SLC16A4: variants seen among roughly 807,000 people sequenced by gnomAD.
SLC16A4 encodes probable monocarboxylate transporter 5.
A neutral mutation model predicts 47.9 loss-of-function variants in SLC16A4; 39 were observed. The ratio of observed to expected loss-of-function variants is 0.81; its 90% CI spans 0.63 to 1.06. The LOEUF (loss-of-function observed/expected upper bound fraction) is 1.06. Ranked by LOEUF, SLC16A4 falls within the 50% of genes least tolerant of loss-of-function variation. The pLI is 0.00. For synonymous variants in SLC16A4, 189 were observed against 199.9 expected, an observed-to-expected ratio of 0.95 and a Z score of 0.46; for missense variants, 524 against 573.8, an observed-to-expected ratio of 0.91 and a Z score of 0.89.
chr1:110,383,436 G>C (rs1413510971), intron 2 of SLC16A4, among the ~76,000 whole-genome samples: 2 of 152,140 alleles, frequency 1.3e-5, no homozygotes, highest in African/African-American at 4.8e-5. Flanking sequence ...CAGTGAGTTG[G>C]GAGTGCTGAT....
In SLC16A4 at chr1:110,379,194, T is replaced by C. The variant is rs1662207963; in HGVS notation, c.689A>G (p.His230Arg). The part of the protein sequence containing the change: ...PEAHATETHC[H>R]ETEESTIKDS... ...CTTGATGGTAGACTCTTCTGTCTCA[T>C]GGCAGTGTGTTTCTGTTGCATGTGC... Residue 230 changes from histidine (H) to arginine (R), a missense_variant, in exon 6 of 9, where the codon CAT becomes CGT. Coordinates refer to ENST00000369779, the MANE Select transcript of SLC16A4 (RefSeq NM_004696.3). The C allele has an allele frequency of 8.1e-6, 13 of 1,614,254 alleles. No homozygotes were observed. Among genetic ancestry groups the C allele is most frequent in the African/African-American group, 8.0e-5 (6 of 75,070 alleles).
At chr1:110,364,499 C>CTTTTTTT (rs34416973) in intron 8 of SLC16A4, among the ~76,000 whole-genome samples, 1 of 104,678 alleles carries the variant, frequency 9.6e-6, no homozygotes. Flanking sequence ...AATCTAAATG[C>CTTTTTTT]TTTTTTTTTT....
In SLC16A4 at chr1:110,382,854, GACA is replaced by G; in HGVS notation, c.197_199del (p.Met66_Ser67delinsThr). The G allele has an allele frequency of 6.2e-7, 1 of 1,607,920 alleles. No homozygotes were observed. The highest frequency in any genetic ancestry group is 8.5e-7 in the Non-Finnish European group (1 of 1,176,080). ...TATACCTGCACAAAAACGAAGAGAT[GACA>G]TGATGGATCCAATCCAACCAATTTG... On this transcript the variant is annotated inframe_deletion, in exon 3 of 9. Transcript: ENST00000369779.
At position 110,378,861 on chromosome 1, in the gene SLC16A4, G is replaced by A. The variant is rs751680951; in HGVS notation, c.1022C>T (p.Ser341Phe). Reference sequence around the variant, plus strand: ...GATGTAGGCTTTCTTACCTGCTACAGAAACAAGGTAAGAGGCATCCATGAT... The same window carrying A: ...GATGTAGGCTTTCTTACCTGCTACAAAAACAAGGTAAGAGGCATCCATGAT... ...IDIMDASYLV[S>F]VAGILETVSQ... Residue 341 changes from serine (S) to phenylalanine (F), a missense_variant, in exon 6 of 9, where the codon TCT (serine) becomes TTT (phenylalanine). Transcript: ENST00000369779. The A allele has an allele frequency of 3.1e-6, 5 of 1,606,186 alleles. No homozygotes were observed. Among genetic ancestry groups the A allele is most frequent in the Non-Finnish European group, 4.3e-6 (5 of 1,175,600 alleles).
chr1:110,381,283 C>A, intron 4 of SLC16A4, 140 bp from the exon 5 acceptor site: 1 of 667,222 alleles, frequency 1.5e-6, no homozygotes. Flanking sequence ...CCTGTTCCAT[C>A]TTCTATCTTC....
chr1:110,369,589 AAAACAAAAAAC>A (rs1474141010), intron 8 of SLC16A4, among the ~76,000 whole-genome samples: 1 of 152,182 alleles, frequency 6.6e-6, no homozygotes, highest in East Asian at 1.9e-4. Context: ...ACTCCATCTC[AAAACAAAAAAC>A]AAACAAAAAA....
intron 8 of SLC16A4, among the ~76,000 whole-genome samples, chr1:110,369,420 T>G (rs912749709): frequency 6.6e-6 from 1 of 151,816 alleles, no homozygotes; most frequent in African/African-American, 2.4e-5. Context: ...GGCAAAATGG[T>G]GAATCCCATC....
intron 1 of SLC16A4, among the ~76,000 whole-genome samples, chr1:110,390,092 T>C (rs1662957547): frequency 6.6e-6 from 1 of 152,200 alleles, no homozygotes; most frequent in African/African-American, 2.4e-5. Context: ...CCCTATGATA[T>C]AAAACCACTT....
chr1:110,366,511 C>G (rs1024249632), intron 8 of SLC16A4, among the ~76,000 whole-genome samples: 1 of 152,182 alleles, frequency 6.6e-6, no homozygotes, highest in Admixed American at 6.5e-5. Context: ...GGACAAACCT[C>G]ATGAGGTTAT....
intron 8 of SLC16A4, chr1:110,371,048 C>G (rs1016538130): frequency 6.6e-6 from 1 of 152,144 alleles, no homozygotes; most frequent in Non-Finnish European, 1.5e-5. Flanking sequence ...CATGTGAGGA[C>G]TGTGAGTAAC....
rs772135301 is a variant in SLC16A4, at chr1:110,379,055, A to G, written c.828T>C (p.Asp276=). The G allele has an allele frequency of 6.2e-7, 1 of 1,614,232 alleles. No individual in the cohort carries two copies. Among genetic ancestry groups the G allele is most frequent in the Non-Finnish European group, 8.5e-7 (1 of 1,180,030 alleles). The change falls in exon 6 of 9, where the codon GAT becomes GAC. Residue 276 remains aspartate, a synonymous_variant. Transcript: ENST00000369779. The part of the protein sequence containing the change: ...PNRNRLLLKS[D]EESDKVISWS... ...ACGAAATAACCTTATCACTTTCTTCATCACTCTTTAATAACAGTCTGTTCC... is the reference window on the plus strand; with the variant it reads ...ACGAAATAACCTTATCACTTTCTTCGTCACTCTTTAATAACAGTCTGTTCC...
intron 4 of SLC16A4, 124 bp from the exon 5 acceptor site, chr1:110,381,267 A>G: frequency 1.3e-6 from 1 of 771,152 alleles, no homozygotes; most frequent in East Asian, 2.7e-5. Context: ...AGTAGAAGGG[A>G]AGAGTCCTGT....
chr1:110,367,901 T>C (rs190826079), intron 8 of SLC16A4, among the ~76,000 whole-genome samples: 6 of 152,256 alleles, frequency 3.9e-5, no homozygotes, highest in African/African-American at 1.4e-4. Context: ...CAATCTCCAC[T>C]CACTCCCAGC....
At position 110,379,339 on chromosome 1, in the gene SLC16A4, C is replaced by T. The variant is rs1036077817; in HGVS notation, c.544G>A (p.Gly182Arg). ...YDWTGALILF[G>R]AIALNLVPSS... Reference sequence around the variant, plus strand: ...GGCACCAAATTCAATGCGATAGCTCCAAATAATATAAGGGCTCCTAAATAG... The same window carrying T: ...GGCACCAAATTCAATGCGATAGCTCTAAATAATATAAGGGCTCCTAAATAG... Residue 182 changes from glycine (G) to arginine (R), a missense_variant, in exon 6 of 9, where the codon GGA becomes AGA. Gly to Arg is a moderately radical substitution (Grantham distance 125). Transcript: ENST00000369779. The T allele has an allele frequency of 1.2e-6, 2 of 1,601,044 alleles. No homozygotes were observed. Among genetic ancestry groups the T allele is most frequent in the Non-Finnish European group, 1.7e-6 (2 of 1,170,286 alleles).
At position 110,380,919 on chromosome 1, in the gene SLC16A4, A is replaced by G. The variant is rs920667786; in HGVS notation, c.526+63T>C. On this transcript the variant is annotated intron_variant, in intron 5 of 8. Coordinates refer to ENST00000369779, the MANE Select transcript of SLC16A4 (RefSeq NM_004696.3). ...TGAAAGTCTTAACTTCCATTTCTCAAAGGGAGAAAGCTGAACGCTAAATCT... is the reference window on the plus strand; with the variant it reads ...TGAAAGTCTTAACTTCCATTTCTCAGAGGGAGAAAGCTGAACGCTAAATCT... 44 of 1,447,792 alleles carry G rather than the reference A, an allele frequency of 3.0e-5. No individual in the cohort carries two copies. The East Asian group carries it at 1.0e-3, about 33-fold the overall frequency. The allele number at this position is 1,447,792 out of a possible 1,614,324, so 89.7% of individuals were successfully genotyped here.
Position 110,389,301 on chromosome 1 carries a change from A to C in SLC16A4, c.23T>G (p.Val8Gly). ...ATCCAGGGTTTTAGTGTAAGGTTGG[A>C]CCTTCCCCTCCCTCTTCAGCATGAT... MLKREGK[V>G]QPYTKTLDGG... The change falls in exon 2 of 9, where the codon GTC becomes GGC. Residue 8 changes from valine to glycine, a missense_variant. By Grantham distance (109) the Val-to-Gly change is moderately radical. Coordinates refer to ENST00000369779, the MANE Select transcript of SLC16A4 (RefSeq NM_004696.3). The C allele has an allele frequency of 6.2e-7, 1 of 1,608,268 alleles. No homozygotes were observed. Among genetic ancestry groups the C allele is most frequent in the Non-Finnish European group, 8.5e-7 (1 of 1,174,684 alleles).
intron 8 of SLC16A4, among the ~76,000 whole-genome samples, chr1:110,366,544 A>G (rs72696509): frequency 0.025 from 3,875 of 152,306 alleles, 76 homozygotes; most frequent in Non-Finnish European, 0.036. Flanking sequence ...TACTGTATCT[A>G]TGTTTAGATA....
Position 110,379,241 on chromosome 1 carries a change from A to C in SLC16A4, c.642T>G (p.Ser214Arg). The C allele has an allele frequency of 1.2e-6, 2 of 1,614,228 alleles. No homozygotes were observed. The highest frequency in any genetic ancestry group is 4.5e-5 in the East Asian group (2 of 44,890). The change falls in exon 6 of 9, where the codon AGT becomes AGG. Residue 214 changes from serine to arginine, a missense_variant. Transcript: ENST00000369779. The stretch of plus-strand genomic sequence containing the variant: ...GTGCCTCTGGACCATGTGCAGACAA[A>C]CTGCTGCCTTTATCTTTAATACCAG... ...NNSGIKDKGS[S>R]LSAHGPEAHA...
intron 8 of SLC16A4, 175 bp downstream of exon 8, chr1:110,375,283 G>C: frequency 1.7e-6 from 1 of 604,328 alleles, no homozygotes; most frequent in Non-Finnish European, 3.0e-6. Flanking sequence ...GATAATACAA[G>C]AATCTGAGCC....
Sources: gnomAD v4.1 joint callset for allele counts (sites outside exome capture counted in the v4.1 genomes callset) on GRCh38, gnomAD v4.1.1 for gene constraint, MANE v1.5 for transcripts, NCBI Gene and HGNC (gene_info 2026-07-23, HGNC 2026-07-21) for gene names.